Variants in NHS observed in about 807,000 individuals in gnomAD.
NHS encodes the protein NHS actin remodeling regulator, also known as actin remodeling regulator NHS.
A neutral mutation model predicts 72.5 loss-of-function variants in NHS; 5 were observed. That is an observed-to-expected ratio of 0.07 (90% confidence interval 0.04 to 0.14). The LOEUF is 0.14. Ranked by LOEUF, NHS falls within the 10% of genes least tolerant of loss-of-function variation. The pLI is 1.00. For synonymous variants in NHS, 464 were observed against 547.7 expected (o/e 0.85, Z 2.13); for missense variants, 1,072 against 1,355.7 (o/e 0.79, Z 3.29).
chrX:17,397,788 C>G (rs1357165697), intron 1 of NHS, among the ~76,000 whole-genome samples: 3 of 111,926 alleles, frequency 2.7e-5, no homozygotes, highest in Non-Finnish European at 5.6e-5. Flanking sequence ...TTCATCCATC[C>G]ATCTATCTAT....
chrX:17,419,213 A>G (rs1430372469), intron 1 of NHS, among the ~76,000 whole-genome samples: 3 of 112,680 alleles, frequency 2.7e-5, no homozygotes, highest in Non-Finnish European at 5.6e-5. Context: ...CGGGCAGATC[A>G]TTTGTTTAAA....
At position 17,489,412 on chromosome X, in the gene NHS, T is replaced by G. The variant is rs771640572; in HGVS notation, c.565+113090T>G. Among the ~76,000 whole-genome samples, 28 of 112,471 alleles carry G rather than the reference T, an allele frequency of 2.5e-4. No homozygotes were observed. In the South Asian group the frequency reaches 2.6e-3, roughly 10 times the overall value. Reference sequence around the variant, plus strand: ...AACTAATTTACACTCCCACCAACAGTGTAAAAGTGTTCCTATTTCTCCACA... The same window carrying G: ...AACTAATTTACACTCCCACCAACAGGGTAAAAGTGTTCCTATTTCTCCACA... On this transcript the variant is annotated intron_variant, in intron 1 of 8. Coordinates refer to ENST00000676302, the MANE Select transcript of NHS (RefSeq NM_001291867.2).
intron 1 of NHS, among the ~76,000 whole-genome samples, chrX:17,566,424 G>A (rs902260210): frequency 2.7e-5 from 3 of 111,874 alleles, no homozygotes; most frequent in East Asian, 2.8e-4. Flanking sequence ...TTTCTTTAAT[G>A]TTGCACACAC....
intron 1 of NHS, among the ~76,000 whole-genome samples, chrX:17,632,850 T>A (rs1216982439): frequency 2.7e-5 from 3 of 112,212 alleles, no homozygotes; most frequent in Non-Finnish European, 5.6e-5. Context: ...TACTGTATTA[T>A]TATATTCCCC....
At chrX:17,590,616 T>C (rs1414859647) in intron 1 of NHS, among the ~76,000 whole-genome samples, 2 of 111,956 alleles carry the variant, frequency 1.8e-5, no homozygotes, top group Non-Finnish European at 3.8e-5. Flanking sequence ...GTGAAAATGA[T>C]TATCTCTGGG....
At chrX:17,548,692 A>C (rs886626341) in intron 1 of NHS, among the ~76,000 whole-genome samples, 1 of 111,946 alleles carries the variant, frequency 8.9e-6, no homozygotes, top group African/African-American at 3.3e-5. Flanking sequence ...ATGCTTGTAC[A>C]TGCCACATGT....
At chrX:17,647,759 T>C (rs948584822) in intron 1 of NHS, among the ~76,000 whole-genome samples, 2 of 112,013 alleles carry the variant, frequency 1.8e-5, no homozygotes, top group Non-Finnish European at 3.8e-5. Context: ...CCACTGATTG[T>C]TTCTTGAGGG....
intron 1 of NHS, among the ~76,000 whole-genome samples, chrX:17,575,156 C>T (rs780582962): frequency 8.9e-6 from 1 of 112,561 alleles, no homozygotes; most frequent in Non-Finnish European, 1.9e-5. Flanking sequence ...CCATTCTGCA[C>T]ACAACCATCA....
At chrX:17,543,783 G>A (rs1418007902) in intron 1 of NHS, among the ~76,000 whole-genome samples, 1 of 111,486 alleles carries the variant, frequency 9.0e-6, no homozygotes, top group Non-Finnish European at 1.9e-5. Flanking sequence ...TTCAGAGTTC[G>A]GGATTTTGCT....
intron 8 of NHS, 30 bp downstream of exon 8, chrX:17,728,805 CA>C: frequency 8.3e-7 from 1 of 1,209,849 alleles, no homozygotes; most frequent in South Asian, 1.8e-5. Flanking sequence ...TCCCCCAAAA[CA>C]AAAGGTACAA....
At chrX:17,542,612 A>G (rs923256754) in intron 1 of NHS, among the ~76,000 whole-genome samples, 5 of 112,226 alleles carry the variant, frequency 4.5e-5, no homozygotes, top group Admixed American at 9.4e-5. Context: ...TTTATTATTC[A>G]CATGTCTGAA....
At position 17,551,378 on chromosome X, in the gene NHS, T is replaced by G. The variant is rs185180435; in HGVS notation, c.566-136364T>G. ...TCAAGTCCTGGTGCTTCAACTGAGGTGCAGAAGCCAAATTCTTTTTCAGCC... is the reference window on the plus strand; with the variant it reads ...TCAAGTCCTGGTGCTTCAACTGAGGGGCAGAAGCCAAATTCTTTTTCAGCC... On this transcript the variant is annotated intron_variant, in intron 1 of 8. Transcript: ENST00000676302. Among the ~76,000 whole-genome samples the G allele has an allele frequency of 8.2e-3, 914 of 111,753 alleles. 10 individuals carry two copies. Among genetic ancestry groups the G allele is most frequent in the African/African-American group, 0.028 (868 of 30,715 alleles).
intron 1 of NHS, among the ~76,000 whole-genome samples, chrX:17,604,259 C>A (rs2065667877): frequency 9.1e-6 from 1 of 110,063 alleles, no homozygotes; most frequent in Admixed American, 9.8e-5. Flanking sequence ...CACACACACA[C>A]ACACACACAT....
intron 1 of NHS, among the ~76,000 whole-genome samples, chrX:17,563,307 C>T (rs2065425138): frequency 8.9e-6 from 1 of 112,556 alleles, no homozygotes; most frequent in Non-Finnish European, 1.9e-5. Flanking sequence ...ACATAGGGGG[C>T]ATTCAGTTAA....
At chrX:17,423,138 G>A (rs973691186) in intron 1 of NHS, among the ~76,000 whole-genome samples, 5 of 111,976 alleles carry the variant, frequency 4.5e-5, no homozygotes, top group African/African-American at 1.6e-4. Context: ...GTTCCAACTG[G>A]CATTTGCAGC....
chrX:17,692,321 T>A lies in NHS; in HGVS notation c.719-14T>A, dbSNP rs1214343516. 1.7e-6 allele frequency: 2 copies of A among 1,210,779 alleles called. No homozygotes were observed. The highest frequency in any genetic ancestry group is 2.2e-6 in the Non-Finnish European group (2 of 895,128). On this transcript the variant is annotated splice_polypyrimidine_tract_variant and intron_variant, in intron 2 of 8. Transcript: ENST00000676302. ...CAAGTGTATTTCAGTATTACTGCTT[T>A]TTCTCCTTCTCAGAACACCGGAGCC...
intron 1 of NHS, among the ~76,000 whole-genome samples, chrX:17,650,199 G>A (rs1297772767): frequency 8.9e-6 from 1 of 112,662 alleles, no homozygotes; most frequent in Admixed American, 9.4e-5. Context: ...CCAGCCCTGG[G>A]CAAATCACAG....
intron 1 of NHS, among the ~76,000 whole-genome samples, chrX:17,519,593 C>T (rs369442951): frequency 2.2e-4 from 24 of 111,472 alleles, no homozygotes; most frequent in African/African-American, 7.5e-4. Context: ...ACCATCCGCC[C>T]GGATGTTCCG....
At chrX:17,581,841 G>A (rs982664008) in intron 1 of NHS, among the ~76,000 whole-genome samples, 10 of 112,096 alleles carry the variant, frequency 8.9e-5, no homozygotes. Context: ...AAGGAAATTT[G>A]ACAGCTGCTT....
Sources: allele counts gnomAD v4.1 joint callset (sites outside exome capture counted in the v4.1 genomes callset), GRCh38; gene constraint gnomAD v4.1.1; transcripts MANE v1.5; gene names NCBI Gene and HGNC (gene_info 2026-07-23, HGNC 2026-07-21).